TMEM255B: variants seen among roughly 807,000 people sequenced by gnomAD.
The protein encoded by TMEM255B is family with sequence similarity 70, member B.
Under a neutral mutation model 34.5 loss-of-function variants are expected in TMEM255B, and 35 were observed. The observed-to-expected ratio is 1.01, with a 90% CI of 0.77 to 1.34. TMEM255B has a LOEUF of 1.34. Ranked by LOEUF, TMEM255B falls within the 40% of genes most tolerant of loss-of-function variation. TMEM255B has a pLI of 0.00. For synonymous variants in TMEM255B, 206 were observed against 201.2 expected, an observed-to-expected ratio of 1.02 and a Z score of -0.20; for missense variants, 432 against 433.2, an observed-to-expected ratio of 1.00 and a Z score of 0.02.
rs1212507735 is a variant in TMEM255B at position 113,769,703 on chromosome 13, C to T, written c.252+543C>T. On this transcript the variant is annotated intron_variant, in intron 3 of 8. Transcript: ENST00000375353. The surrounding 1 kb of genome is among the most constrained non-coding windows in gnomAD (Gnocchi z 4.2). ...TGTCCATGATGTTCGTGGCTGTATG[C>T]GCGGCAACAGCGATCAGGTTCAGCT... The T allele has an allele frequency of 1.9e-5, 2 of 102,954 alleles. No homozygotes were observed. The highest frequency in any genetic ancestry group is 4.0e-5 in the Non-Finnish European group (2 of 49,718). 6.4% of individuals were successfully genotyped at this position (102,954 alleles called of 1,614,324 possible). A position where few individuals can be genotyped will look rare whatever the true frequency, so the allele number is the denominator to read the frequency against.
At chr13:113,761,224 A>G in intron 1 of TMEM255B, 1 of 985,332 alleles carries the variant, frequency 1.0e-6, no homozygotes, top group Non-Finnish European at 1.2e-6. Context: ...GCCGGATCTT[A>G]GAACCCTTCC....
chr13:113,789,998 C>A (rs1378758913), intron 3 of TMEM255B, among the ~76,000 whole-genome samples: 15 of 151,830 alleles, frequency 9.9e-5, no homozygotes, highest in Admixed American at 8.5e-4. Flanking sequence ...ACGTGGACAT[C>A]CTAGCACTGG....
chr13:113,775,893 G>T (rs1366709765), intron 3 of TMEM255B, among the ~76,000 whole-genome samples: 1 of 152,220 alleles, frequency 6.6e-6, no homozygotes, highest in Non-Finnish European at 1.5e-5. Flanking sequence ...GGGACCATGG[G>T]ACCCCTGCGG....
intron 8 of TMEM255B, 145 bp downstream of exon 8, chr13:113,805,173 C>G (rs1014921038): frequency 9.1e-7 from 1 of 1,101,490 alleles, no homozygotes; most frequent in Non-Finnish European, 1.2e-6. Context: ...CAGTGACAAC[C>G]CTGCCGTCAG....
chr13:113,808,921 T>A (rs949364335), intron 8 of TMEM255B, among the ~76,000 whole-genome samples: 1 of 143,002 alleles, frequency 7.0e-6, no homozygotes, highest in South Asian at 2.3e-4. Flanking sequence ...GTTTACTCTG[T>A]GGTTCTTGGG....
chr13:113,796,518 C>A (rs1257554165), intron 4 of TMEM255B, among the ~76,000 whole-genome samples: 1 of 147,644 alleles, frequency 6.8e-6, no homozygotes, highest in Admixed American at 6.7e-5. Context: ...GAGCACACAG[C>A]ACACACACCA....
At chr13:113,805,539 C>T (rs1040230078) in intron 8 of TMEM255B, among the ~76,000 whole-genome samples, 5 of 152,322 alleles carry the variant, frequency 3.3e-5, no homozygotes, top group East Asian at 1.9e-4. Flanking sequence ...CCTGCCTGTC[C>T]GATTTCCACT....
Position 113,812,047 on chromosome 13 carries a change from C to T in TMEM255B, c.*144C>T, listed in dbSNP as rs1335923156. The T allele has an allele frequency of 2.7e-6, 3 of 1,104,650 alleles. No homozygotes were observed. The highest frequency in any genetic ancestry group is 5.3e-5 in the Admixed American group (2 of 37,594). The allele number at this position is 1,104,650 out of a possible 1,614,324, so 68.4% of individuals were successfully genotyped here. On this transcript the variant is annotated 3_prime_UTR_variant, in exon 9 of 9. Transcript: ENST00000375353. ...TGTCCCCTCCTTTCCTCCCTGGGCA[C>T]ACTGGTGAGGGAGGCTGGAACCAGG...
Position 113,769,197 on chromosome 13 carries a change from C to T in TMEM255B, c.252+37C>T, listed in dbSNP as rs887430754. 7.5e-6 allele frequency: 12 copies of T among 1,607,536 alleles called. No homozygotes were observed. The highest frequency in any genetic ancestry group is 1.0e-5 in the Non-Finnish European group (12 of 1,174,184). ...CATGGGGTGGTGGGGAGCATGAGTCCCTCATCAGGGGATGGTACAGCTGCA... is the reference window on the plus strand; with the variant it reads ...CATGGGGTGGTGGGGAGCATGAGTCTCTCATCAGGGGATGGTACAGCTGCA... On this transcript the variant is annotated intron_variant, in intron 3 of 8. Transcript: ENST00000375353. This position sits in a 1 kb window ranked among gnomAD's most constrained non-coding sequence, Gnocchi z 4.2.
chr13:113,808,494 A>G (rs1283554512), intron 8 of TMEM255B, among the ~76,000 whole-genome samples: 8 of 148,624 alleles, frequency 5.4e-5, no homozygotes, highest in African/African-American at 2.0e-4. Context: ...GGTTTATTCC[A>G]TGGTTCCTGG....
chr13:113,766,266 G>T lies in TMEM255B; in HGVS notation c.189+9G>T. 2 of 1,613,740 alleles carry T rather than the reference G, an allele frequency of 1.2e-6. No homozygotes were observed. The highest frequency in any genetic ancestry group is 1.7e-6 in the Non-Finnish European group (2 of 1,179,794). On this transcript the variant is annotated intron_variant, in intron 2 of 8. Coordinates refer to ENST00000375353, the MANE Select transcript of TMEM255B (RefSeq NM_182614.4). ...ACTACCCAGGGATCATTGTGAGTGC[G>T]CCGGGCGGGCGGCCTGGGCCGGGGA...
chr13:113,781,406 T>C (rs1008476476), intron 3 of TMEM255B, among the ~76,000 whole-genome samples: 1 of 152,272 alleles, frequency 6.6e-6, no homozygotes, highest in Non-Finnish European at 1.5e-5. Context: ...TAGGCAAAAA[T>C]TCACATTCCC....
At chr13:113,804,782 C>T (rs367696561) in intron 7 of TMEM255B, 103 bp from the exon 8 acceptor site, 2 of 1,092,102 alleles carry the variant, frequency 1.8e-6, no homozygotes, top group African/African-American at 1.6e-5. Flanking sequence ...TAGTTCCAGC[C>T]TGAGAGTCGG....
At chr13:113,780,917 T>C (rs909362299) in intron 3 of TMEM255B, among the ~76,000 whole-genome samples, 4 of 152,208 alleles carry the variant, frequency 2.6e-5, no homozygotes, top group Non-Finnish European at 5.9e-5. Context: ...TACACTAAAA[T>C]ATATCAGAAT....
At chr13:113,811,454 G>A (rs1332993574) in intron 8 of TMEM255B, among the ~76,000 whole-genome samples, 1 of 127,008 alleles carries the variant, frequency 7.9e-6, no homozygotes, top group East Asian at 2.6e-4. Context: ...CCCTGGGTCT[G>A]TGGGAGCCCG....
At chr13:113,768,835 T>C in intron 2 of TMEM255B, 1 of 564,486 alleles carries the variant, frequency 1.8e-6, no homozygotes, top group African/African-American at 1.9e-5. Flanking sequence ...GGAACTTCTC[T>C]TACCCCAGAG....
Position 113,804,889 on chromosome 13 carries a change from C to T in TMEM255B, c.674C>T (p.Pro225Leu), listed in dbSNP as rs1454631973. 1.9e-6 allele frequency: 3 copies of T among 1,598,850 alleles called. No individual in the cohort carries two copies. Among genetic ancestry groups the T allele is most frequent in the Admixed American group, 3.4e-5 (2 of 59,588 alleles). ...CCCGTCTCCTCTCCATGGCAGGTGC[C>T]TCTGTCCCAGCTGGCCTATGGCCCA... ...AVLGAFKDMV[P>L]LSQLAYGPAV... Residue 225 changes from proline (P) to leucine (L), a missense_variant, in exon 8 of 9, where the codon CCT (proline) becomes CTT (leucine). Coordinates refer to ENST00000375353, the MANE Select transcript of TMEM255B (RefSeq NM_182614.4).
intron 1 of TMEM255B, among the ~76,000 whole-genome samples, chr13:113,765,045 G>A (rs1478292011): frequency 6.6e-6 from 1 of 152,200 alleles, no homozygotes; most frequent in Non-Finnish European, 1.5e-5. Flanking sequence ...CGAATGGAGT[G>A]ATCTGGTCCC....
intron 3 of TMEM255B, among the ~76,000 whole-genome samples, chr13:113,776,955 G>C (rs1225253897): frequency 6.6e-6 from 1 of 152,144 alleles, no homozygotes; most frequent in African/African-American, 2.4e-5. Context: ...GCTTCGCCTA[G>C]GGTCACAGGT....
Sources: allele counts gnomAD v4.1 joint callset (sites outside exome capture counted in the v4.1 genomes callset), GRCh38; gene constraint gnomAD v4.1.1; non-coding constraint Gnocchi (gnomAD v3.1); transcripts MANE v1.5; gene names NCBI Gene and HGNC (gene_info 2026-07-23, HGNC 2026-07-21).